MTHFD1L: variants seen among roughly 807,000 people sequenced by gnomAD.
MTHFD1L encodes the protein methylenetetrahydrofolate dehydrogenase (NADP+ dependent) 1 like, also known as monofunctional C1-tetrahydrofolate synthase, mitochondrial.
Under a neutral mutation model 119.5 loss-of-function variants are expected in MTHFD1L, and 81 were observed. That is an observed-to-expected ratio of 0.68 (90% CI 0.57 to 0.82). The LOEUF (loss-of-function observed/expected upper bound fraction) is 0.82, where lower values mean the gene tolerates loss of function less well. MTHFD1L is among the 40% of genes least tolerant of loss of function. The pLI, the probability that MTHFD1L is intolerant of heterozygous loss-of-function variation, is 0.00. For missense variants in MTHFD1L, 1,125 were observed against 1,253.4 expected (o/e 0.90, Z 1.55); for synonymous variants, 430 against 475.2 (o/e 0.90, Z 1.24).
At chr6:150,995,526 A>AG (rs1179026038) in intron 20 of MTHFD1L, among the ~76,000 whole-genome samples, 1 of 151,980 alleles carries the variant, frequency 6.6e-6, no homozygotes, top group East Asian at 1.9e-4. Flanking sequence ...AAAAAAAAAA[A>AG]AAAAATGCTT....
At chr6:150,885,794 A>C in intron 6 of MTHFD1L, 60 bp downstream of exon 6, 5 of 1,337,186 alleles carry the variant, frequency 3.7e-6, no homozygotes, top group Non-Finnish European at 5.3e-6. Context: ...CATTATTTTT[A>C]ATAAGGATTT....
intron 16 of MTHFD1L, among the ~76,000 whole-genome samples, chr6:150,952,588 T>C (rs1236679681): frequency 3.3e-5 from 5 of 152,142 alleles, no homozygotes. Flanking sequence ...TGGAGTGCAG[T>C]GTGCGATCTC....
At chr6:151,065,821 A>G (rs1570191) in intron 26 of MTHFD1L, among the ~76,000 whole-genome samples, 13,210 of 152,184 alleles carry the variant, frequency 0.087, 725 homozygotes, top group Admixed American at 0.16. Flanking sequence ...CCATGACCAC[A>G]AGACCAGGAT....
At chr6:151,081,716 T>C (rs960515118) in intron 26 of MTHFD1L, among the ~76,000 whole-genome samples, 1 of 152,162 alleles carries the variant, frequency 6.6e-6, no homozygotes, top group African/African-American at 2.4e-5. Flanking sequence ...CACAGCTTAT[T>C]ATCTCTGGGC....
rs1170267495 is a variant in MTHFD1L, at chr6:150,865,792, C to G, written c.-31C>G. ...CCGCCGCCCTCGGCAGCCGCAGCTC[C>G]GTGTCCCCTGAGAACCAGCCGTCCC... On this transcript the variant is annotated 5_prime_UTR_variant, in exon 1 of 28. Transcript: ENST00000367321. 2.3e-6 allele frequency: 3 copies of G among 1,291,208 alleles called. No individual in the cohort carries two copies. Among genetic ancestry groups the G allele is most frequent in the East Asian group, 4.2e-5 (1 of 23,560 alleles). 80.0% of individuals were successfully genotyped at this position (1,291,208 alleles called of 1,614,324 possible). A position where few individuals can be genotyped will look rare whatever the true frequency, so the allele number is the denominator to read the frequency against.
chr6:150,954,295 T>A (rs1349677439), intron 16 of MTHFD1L, among the ~76,000 whole-genome samples: 2 of 152,244 alleles, frequency 1.3e-5, no homozygotes, highest in Non-Finnish European at 2.9e-5. Flanking sequence ...ATTAACAAAG[T>A]CAGTGTACTG....
At chr6:151,033,271 T>A (rs1024276448) in intron 24 of MTHFD1L, among the ~76,000 whole-genome samples, 1 of 151,988 alleles carries the variant, frequency 6.6e-6, no homozygotes, top group Admixed American at 6.6e-5. Context: ...AGAAGTGCGC[T>A]GCCACACCCA....
chr6:151,020,506 C>G (rs941405531), intron 24 of MTHFD1L, among the ~76,000 whole-genome samples: 2 of 152,094 alleles, frequency 1.3e-5, no homozygotes, highest in Non-Finnish European at 2.9e-5. Flanking sequence ...CTCTTTTTGC[C>G]AGAGTAACTT....
intron 12 of MTHFD1L, among the ~76,000 whole-genome samples, chr6:150,937,143 T>C (rs1792216539): frequency 6.6e-6 from 1 of 151,900 alleles, no homozygotes; most frequent in Non-Finnish European, 1.5e-5. Context: ...AGGGCTTCAC[T>C]GGATGCCTCA....
intron 27 of MTHFD1L, among the ~76,000 whole-genome samples, chr6:151,095,085 T>C (rs537656320): frequency 6.6e-6 from 1 of 152,212 alleles, no homozygotes; most frequent in Non-Finnish European, 1.5e-5. Context: ...TTTGTATGTG[T>C]TTTTTGCTGA....
At chr6:150,925,119 A>G (rs910592600) in intron 10 of MTHFD1L, among the ~76,000 whole-genome samples, 7 of 152,182 alleles carry the variant, frequency 4.6e-5, no homozygotes, top group Non-Finnish European at 8.8e-5. Flanking sequence ...GTCAGGGCCA[A>G]GGGGCTGACT....
chr6:151,051,083 T>A (rs1425995630), intron 26 of MTHFD1L, among the ~76,000 whole-genome samples: 1 of 152,126 alleles, frequency 6.6e-6, no homozygotes, highest in African/African-American at 2.4e-5. Flanking sequence ...ACTTGGTCTT[T>A]CCATCCTGAG....
At chr6:151,072,185 A>C (rs940725211) in intron 26 of MTHFD1L, among the ~76,000 whole-genome samples, 5 of 152,298 alleles carry the variant, frequency 3.3e-5, no homozygotes, top group Non-Finnish European at 7.3e-5. Context: ...ATACCAAAAA[A>C]AAATTATTTT....
intron 16 of MTHFD1L, among the ~76,000 whole-genome samples, chr6:150,949,780 C>T (rs944047181): frequency 2.6e-5 from 4 of 152,146 alleles, no homozygotes; most frequent in African/African-American, 9.7e-5. Flanking sequence ...GGGAAATGCA[C>T]TAAACAGGAA....
intron 17 of MTHFD1L, chr6:150,959,175 A>C: frequency 1.0e-6 from 1 of 984,194 alleles, no homozygotes; most frequent in South Asian, 4.7e-5. Context: ...TTTTCACTAA[A>C]TCAGTGACTA....
chr6:150,932,161 C>CAAAA (rs5880902), intron 11 of MTHFD1L, among the ~76,000 whole-genome samples: 3,293 of 39,378 alleles, frequency 0.084, 509 homozygotes, highest in African/African-American at 0.14. Flanking sequence ...GACTCCATCT[C>CAAAA]AAAAAAAAAA....
At chr6:150,870,574 T>C (rs1779230947) in intron 1 of MTHFD1L, among the ~76,000 whole-genome samples, 2 of 152,030 alleles carry the variant, frequency 1.3e-5, no homozygotes. Flanking sequence ...GTTTAGACAA[T>C]ACTGTAGCCT....
chr6:151,054,206 G>A (rs1300062711), intron 26 of MTHFD1L, among the ~76,000 whole-genome samples: 1 of 152,016 alleles, frequency 6.6e-6, no homozygotes, highest in Non-Finnish European at 1.5e-5. Context: ...CTTTGGAGTA[G>A]GAAGTATTTC....
chr6:150,965,711 G>C (rs1345751892), intron 19 of MTHFD1L, among the ~76,000 whole-genome samples: 1 of 151,544 alleles, frequency 6.6e-6, no homozygotes, highest in Non-Finnish European at 1.5e-5. Flanking sequence ...AGGTTGTATG[G>C]CCATGTTTAC....
Sources: gnomAD v4.1 joint callset for allele counts (sites outside exome capture counted in the v4.1 genomes callset) on GRCh38, gnomAD v4.1.1 for gene constraint, MANE v1.5 for transcripts, NCBI Gene and HGNC (gene_info 2026-07-23, HGNC 2026-07-21) for gene names.